The following CNTN3 variants were observed in gnomAD, a reference collection of about 807,000 sequenced individuals.
The protein encoded by CNTN3 is contactin 3.
In CNTN3, 60 loss-of-function variants were observed where a neutral mutation model predicts 119.1. The ratio of observed to expected loss-of-function variants is 0.50; its 90% confidence interval spans 0.41 to 0.62. CNTN3 has a LOEUF of 0.62. CNTN3 is among the 20% of genes least tolerant of loss of function. The probability of loss-of-function intolerance (pLI) is 0.00; values close to 1 mark genes in which losing one functional copy is unlikely to be tolerated. For synonymous variants in CNTN3, 450 were observed against 438.7 expected, an observed-to-expected ratio of 1.03 and a Z score of -0.32; for missense variants, 1,101 against 1,242.4, an observed-to-expected ratio of 0.89 and a Z score of 1.71.
At chr3:74,399,243 G>T (rs1420373305) in intron 5 of CNTN3, among the ~76,000 whole-genome samples, 1 of 151,988 alleles carries the variant, frequency 6.6e-6, no homozygotes, top group South Asian at 2.1e-4. Context: ...CATCACCCAG[G>T]TATTAAGCCT....
At chr3:74,549,288 C>T (rs950881945) in intron 1 of CNTN3, among the ~76,000 whole-genome samples, 10 of 152,174 alleles carry the variant, frequency 6.6e-5, no homozygotes, top group Non-Finnish European at 1.0e-4. Flanking sequence ...GCTTCCCCTT[C>T]GCCCTTCCGT....
intron 11 of CNTN3, among the ~76,000 whole-genome samples, chr3:74,344,755 C>T (rs1703650443): frequency 6.6e-6 from 1 of 152,074 alleles, no homozygotes; most frequent in South Asian, 2.1e-4. Context: ...ACACCGCGCC[C>T]GGCCATTACG....
At chr3:74,305,200 A>G (rs952749758) in intron 13 of CNTN3, among the ~76,000 whole-genome samples, 8 of 152,196 alleles carry the variant, frequency 5.3e-5, no homozygotes, top group Non-Finnish European at 1.0e-4. Context: ...ACAAAGGTTA[A>G]ATAAAATCAC....
intron 8 of CNTN3, among the ~76,000 whole-genome samples, chr3:74,367,353 C>T (rs1195609526): frequency 1.3e-5 from 2 of 152,044 alleles, no homozygotes; most frequent in Non-Finnish European, 2.9e-5. Context: ...CATTCATTTC[C>T]TCTCTTCCTT....
At chr3:74,372,973 C>T (rs1704378031) in intron 5 of CNTN3, among the ~76,000 whole-genome samples, 1 of 152,160 alleles carries the variant, frequency 6.6e-6, no homozygotes, top group South Asian at 2.1e-4. Flanking sequence ...AATGCAAATG[C>T]TTGATGTTTC....
chr3:74,443,792 G>A (rs1021536793), intron 4 of CNTN3, among the ~76,000 whole-genome samples: 1 of 152,060 alleles, frequency 6.6e-6, no homozygotes, highest in African/African-American at 2.4e-5. Context: ...TAAGTACTTT[G>A]TGAGCTTCAT....
intron 1 of CNTN3, among the ~76,000 whole-genome samples, chr3:74,565,701 G>C (rs926646381): frequency 6.6e-6 from 1 of 152,080 alleles, no homozygotes; most frequent in Non-Finnish European, 1.5e-5. Flanking sequence ...AGTCAACCTT[G>C]GTGAGCCTGT....
intron 1 of CNTN3, among the ~76,000 whole-genome samples, chr3:74,528,442 T>G (rs1370299282): frequency 1.3e-5 from 2 of 151,846 alleles, no homozygotes; most frequent in East Asian, 3.9e-4. Context: ...AACTGGAAAA[T>G]GTAGTGGCAA....
intron 4 of CNTN3, among the ~76,000 whole-genome samples, chr3:74,478,975 T>A (rs1272901827): frequency 1.3e-5 from 2 of 152,084 alleles, no homozygotes; most frequent in African/African-American, 4.8e-5. Flanking sequence ...TAAAAAATAT[T>A]ATGATAGGTA....
intron 5 of CNTN3, 28 bp downstream of exon 5, chr3:74,424,817 T>C (rs758693977): frequency 1.3e-6 from 2 of 1,591,124 alleles, no homozygotes; most frequent in East Asian, 2.2e-5. Context: ...TTAATAAATA[T>C]GAAAAGCAGA....
At chr3:74,297,166 T>G (rs1023645261) in intron 18 of CNTN3, among the ~76,000 whole-genome samples, 6 of 152,166 alleles carry the variant, frequency 3.9e-5, no homozygotes, top group African/African-American at 1.4e-4. Context: ...CATCCTTTTC[T>G]CAGGCCATGG....
At chr3:74,274,346 C>G (rs1445385282) in intron 20 of CNTN3, among the ~76,000 whole-genome samples, 1 of 152,082 alleles carries the variant, frequency 6.6e-6, no homozygotes, top group Admixed American at 6.6e-5. Flanking sequence ...GGAGGCCAAC[C>G]AGCACAAAAA....
intron 1 of CNTN3, among the ~76,000 whole-genome samples, chr3:74,591,993 A>G (rs1172486320): frequency 6.6e-6 from 1 of 151,916 alleles, no homozygotes; most frequent in Non-Finnish European, 1.5e-5. Flanking sequence ...GAAAAAATCT[A>G]CCAGCAAGCA....
intron 20 of CNTN3, among the ~76,000 whole-genome samples, chr3:74,278,684 C>A (rs548099): frequency 0.37 from 56,242 of 151,932 alleles, 10,981 homozygotes; most frequent in East Asian, 0.71. Context: ...AAACGCTTCT[C>A]AACATTAGCT....
At chr3:74,412,394 A>C (rs1701454823) in intron 5 of CNTN3, among the ~76,000 whole-genome samples, 1 of 152,218 alleles carries the variant, frequency 6.6e-6, no homozygotes, top group Admixed American at 6.5e-5. Context: ...AACTATTTCC[A>C]GGACTGAGAT....
intron 11 of CNTN3, among the ~76,000 whole-genome samples, chr3:74,342,151 T>C (rs1196763902): frequency 1.3e-5 from 2 of 152,024 alleles, no homozygotes; most frequent in African/African-American, 4.8e-5. Context: ...CAAATATACA[T>C]TGATGAAAAT....
At chr3:74,280,186 T>TCTCAAAAAAAAAAAAAAAAAAAAAA (rs1701974297) in intron 20 of CNTN3, among the ~76,000 whole-genome samples, 1 of 150,916 alleles carries the variant, frequency 6.6e-6, no homozygotes, top group Non-Finnish European at 1.5e-5. Context: ...AAAGTTGAAT[T>TCTCAAAAAAAAAAAAAAAAAAAAAA]AAAAAAAAAG....
chr3:74,599,883 A>G (rs1161658647), intron 1 of CNTN3, among the ~76,000 whole-genome samples: 1 of 152,090 alleles, frequency 6.6e-6, no homozygotes, highest in East Asian at 1.9e-4. Context: ...AGATCTTTAC[A>G]TAATGCTGAT....
Position 74,497,261 on chromosome 3 carries a change from T to A in CNTN3, c.182+2398A>T, listed in dbSNP as rs148121127. Among the ~76,000 whole-genome samples the A allele has an allele frequency of 6.6e-5, 10 of 152,144 alleles. No homozygotes were observed. The East Asian group carries it at 1.9e-3, about 29-fold the overall frequency. The stretch of plus-strand genomic sequence containing the variant: ...AAAAAAATAGGAATAGGCAAGCATA[T>A]TTTATTCTGAACCATTTTAAAGAAT... On this transcript the variant is annotated intron_variant, in intron 3 of 22. Coordinates refer to ENST00000263665, the MANE Select transcript of CNTN3 (RefSeq NM_020872.3).
Sources: allele counts gnomAD v4.1 joint callset (sites outside exome capture counted in the v4.1 genomes callset), GRCh38; gene constraint gnomAD v4.1.1; transcripts MANE v1.5; gene names NCBI Gene and HGNC (gene_info 2026-07-23, HGNC 2026-07-21).